The following ELMO1 variants were observed in gnomAD, a reference collection of about 807,000 sequenced individuals.
ELMO1 encodes the protein engulfment and cell motility 1.
A neutral mutation model predicts 98.9 loss-of-function variants in ELMO1; 26 were observed. The ratio of observed to expected loss-of-function variants is 0.26; its 90% confidence interval spans 0.19 to 0.36. The LOEUF is 0.36. Ranked by LOEUF, ELMO1 falls within the 10% of genes least tolerant of loss-of-function variation. ELMO1 has a pLI of 1.00. For synonymous variants in ELMO1, 346 were observed against 346.0 expected, an observed-to-expected ratio of 1.00 and a Z score of 0.00; for missense variants, 627 against 935.2, an observed-to-expected ratio of 0.67 and a Z score of 4.30.
At chr7:37,432,845 T>C (rs183749619) in intron 1 of ELMO1, among the ~76,000 whole-genome samples, 3 of 152,388 alleles carry the variant, frequency 2.0e-5, no homozygotes, top group Admixed American at 6.5e-5. Context: ...TTTCCAGTTA[T>C]GGTCTTCAAA....
At chr7:37,198,228 T>C (rs1458333226) in intron 13 of ELMO1, among the ~76,000 whole-genome samples, 1 of 152,224 alleles carries the variant, frequency 6.6e-6, no homozygotes, top group Non-Finnish European at 1.5e-5. Flanking sequence ...CTTTGGGATA[T>C]GCCACTCCTG....
intron 1 of ELMO1, among the ~76,000 whole-genome samples, chr7:37,366,299 T>G (rs1583632703): frequency 6.6e-6 from 1 of 152,298 alleles, no homozygotes; most frequent in South Asian, 2.1e-4. Flanking sequence ...AAATTATTAT[T>G]AATAATCGTT....
chr7:37,230,021 C>T (rs1794082420), intron 8 of ELMO1, among the ~76,000 whole-genome samples: 1 of 152,094 alleles, frequency 6.6e-6, no homozygotes, highest in African/African-American at 2.4e-5. Flanking sequence ...TTTCTAATTC[C>T]TTTCCACTCA....
chr7:37,443,195 G>A (rs1385925686), intron 1 of ELMO1, among the ~76,000 whole-genome samples: 1 of 152,088 alleles, frequency 6.6e-6, no homozygotes, highest in Non-Finnish European at 1.5e-5. Flanking sequence ...CCTATCCAGA[G>A]TACAACCCAC....
intron 20 of ELMO1, 160 bp from the exon 21 acceptor site, chr7:36,861,896 C>A (rs1802662558): frequency 4.5e-6 from 3 of 665,848 alleles, no homozygotes; most frequent in Non-Finnish European, 5.4e-6. Context: ...CTTCAAGGTT[C>A]ACGGCATGAT....
intron 16 of ELMO1, among the ~76,000 whole-genome samples, chr7:36,976,347 G>A (rs1211199834): frequency 6.6e-6 from 1 of 152,122 alleles, no homozygotes; most frequent in East Asian, 1.9e-4. Context: ...ATACTTCTCT[G>A]AAACAAAAAC....
chr7:36,871,058 T>C (rs1332718555), intron 19 of ELMO1, among the ~76,000 whole-genome samples: 1 of 152,258 alleles, frequency 6.6e-6, no homozygotes, highest in African/African-American at 2.4e-5. Context: ...GGTTTTATTA[T>C]CCCTGTTTTA....
chr7:37,001,283 G>A (rs774437421), intron 16 of ELMO1, among the ~76,000 whole-genome samples: 1 of 152,094 alleles, frequency 6.6e-6, no homozygotes, highest in Non-Finnish European at 1.5e-5. Context: ...ATTGAACAAC[G>A]GTGGCCACCC....
At chr7:37,168,794 G>A (rs1298758237) in intron 13 of ELMO1, among the ~76,000 whole-genome samples, 1 of 152,206 alleles carries the variant, frequency 6.6e-6, no homozygotes, top group African/African-American at 2.4e-5. Flanking sequence ...AGGGGTCAGG[G>A]ACCCACTTGA....
At chr7:36,992,264 AG>A (rs1791927559) in intron 16 of ELMO1, among the ~76,000 whole-genome samples, 2 of 152,182 alleles carry the variant, frequency 1.3e-5, no homozygotes, top group Admixed American at 6.5e-5. Context: ...TTGCATTCAC[AG>A]GACTGGAGAG....
intron 17 of ELMO1, among the ~76,000 whole-genome samples, chr7:36,889,869 G>A (rs1029036000): frequency 6.6e-6 from 1 of 152,268 alleles, no homozygotes; most frequent in African/African-American, 2.4e-5. Context: ...AGGCAATGAA[G>A]GAAATGAGAC....
intron 16 of ELMO1, among the ~76,000 whole-genome samples, chr7:36,898,834 T>G (rs1357384925): frequency 6.6e-6 from 1 of 152,180 alleles, no homozygotes; most frequent in African/African-American, 2.4e-5. Context: ...GGATGAGCTC[T>G]CAGCCTGGGA....
At chr7:37,011,905 C>A (rs973389997) in intron 16 of ELMO1, among the ~76,000 whole-genome samples, 4 of 152,138 alleles carry the variant, frequency 2.6e-5, no homozygotes, top group Non-Finnish European at 5.9e-5. Context: ...CACAATCAAG[C>A]GAAGTACACT....
intron 13 of ELMO1, among the ~76,000 whole-genome samples, chr7:37,141,537 A>G (rs1787641587): frequency 6.6e-6 from 1 of 152,214 alleles, no homozygotes; most frequent in Admixed American, 6.5e-5. Flanking sequence ...AAAAACTGAA[A>G]ATAAGAAAAT....
At chr7:37,413,679 T>G (rs11761959) in intron 1 of ELMO1, among the ~76,000 whole-genome samples, 34,579 of 151,830 alleles carry the variant, frequency 0.23, 4,115 homozygotes, top group East Asian at 0.41. Flanking sequence ...TTTCCTTTTT[T>G]GGGGGCAGTT....
At position 37,211,371 on chromosome 7, in the gene ELMO1, A is replaced by AGATAGCTTACTTACAAT. The variant is rs756784389; in HGVS notation, c.1084_1086+14dup. The AGATAGCTTACTTACAAT allele has an allele frequency of 7.4e-6, 12 of 1,613,740 alleles. No individual in the cohort carries two copies. Among genetic ancestry groups the AGATAGCTTACTTACAAT allele is most frequent in the Non-Finnish European group, 9.3e-6 (11 of 1,179,872 alleles). On this transcript the variant is annotated intron_variant, in intron 13 of 21. Transcript: ENST00000310758. ...AGGCTGGAGGGAGAGCGCATACTGG[A>AGATAGCTTACTTACAAT]GATAGCTTACTTACAATGAACCCAA...
intron 15 of ELMO1, 21 bp from the exon 16 acceptor site, chr7:37,013,456 A>C: frequency 1.9e-6 from 3 of 1,613,064 alleles, no homozygotes; most frequent in Non-Finnish European, 2.5e-6. Context: ...GAGATGGAAA[A>C]TAAGAGAAAA....
chr7:36,935,104 G>A (rs1260103616), intron 16 of ELMO1, among the ~76,000 whole-genome samples: 1 of 152,180 alleles, frequency 6.6e-6, no homozygotes, highest in East Asian at 1.9e-4. Context: ...CCCTCGTGCT[G>A]TGGAAGGGAC....
At chr7:36,897,336 G>GTGTGTGTGTGTGTGTGTGTA (rs1554351183) in intron 16 of ELMO1, among the ~76,000 whole-genome samples, 6,184 of 148,006 alleles carry the variant, frequency 0.042, 204 homozygotes, top group African/African-American at 0.092. Context: ...GTGTGTGTGT[G>GTGTGTGTGTGTGTGTGTGTA]TGTGTGTGTG....
Sources: allele counts gnomAD v4.1 joint callset (sites outside exome capture counted in the v4.1 genomes callset), GRCh38; gene constraint gnomAD v4.1.1; transcripts MANE v1.5; gene names NCBI Gene and HGNC (gene_info 2026-07-23, HGNC 2026-07-21).